The following TXNL1 variants were observed in gnomAD, a reference collection of about 807,000 sequenced individuals.
The protein encoded by TXNL1 is thioredoxin like 1.
Under a neutral mutation model 35.5 loss-of-function variants are expected in TXNL1, and 14 were observed. The observed-to-expected ratio is 0.39, with a 90% CI of 0.26 to 0.62. The LOEUF is 0.62. Among genes scored for constraint, TXNL1 ranks in the 20% least tolerant of loss-of-function variants. TXNL1 has a pLI of 0.47. For missense variants in TXNL1, 263 were observed against 349.7 expected, an observed-to-expected ratio of 0.75 and a Z score of 1.98; for synonymous variants, 110 against 115.5, an observed-to-expected ratio of 0.95 and a Z score of 0.31.
intron 7 of TXNL1, among the ~76,000 whole-genome samples, chr18:56,608,069 C>T (rs1457782789): frequency 1.3e-5 from 2 of 152,114 alleles, no homozygotes; most frequent in Non-Finnish European, 2.9e-5. Flanking sequence ...CAGGCATCCA[C>T]CGGGGGTCTA....
intron 6 of TXNL1, among the ~76,000 whole-genome samples, chr18:56,613,023 A>G (rs945907835): frequency 3.3e-5 from 5 of 151,852 alleles, no homozygotes; most frequent in African/African-American, 9.7e-5. Flanking sequence ...ATTTTTTTGT[A>G]GAGATGGGGT....
intron 1 of TXNL1, among the ~76,000 whole-genome samples, chr18:56,628,598 C>A (rs1011351943): frequency 6.6e-6 from 1 of 152,152 alleles, no homozygotes; most frequent in East Asian, 1.9e-4. Flanking sequence ...TGACTACATA[C>A]AGTTCAAATA....
chr18:56,607,051 G>A (rs555977315), intron 7 of TXNL1, among the ~76,000 whole-genome samples: 9 of 152,156 alleles, frequency 5.9e-5, no homozygotes, highest in Non-Finnish European at 8.8e-5. Flanking sequence ...GTGTAGTGGC[G>A]TGATCCTAGC....
chr18:56,604,775 C>A (rs557030530), intron 7 of TXNL1, among the ~76,000 whole-genome samples: 1 of 151,996 alleles, frequency 6.6e-6, no homozygotes, highest in Non-Finnish European at 1.5e-5. Flanking sequence ...AACATTCCAA[C>A]GAGGAAAAGA....
At chr18:56,627,979 A>G (rs2024313685) in intron 1 of TXNL1, among the ~76,000 whole-genome samples, 1 of 152,184 alleles carries the variant, frequency 6.6e-6, no homozygotes, top group East Asian at 1.9e-4. Context: ...CATATCAAAC[A>G]AAGGACTTAT....
At chr18:56,619,470 G>A (rs1382793651) in intron 3 of TXNL1, among the ~76,000 whole-genome samples, 2 of 146,800 alleles carry the variant, frequency 1.4e-5, no homozygotes, top group Admixed American at 1.4e-4. Context: ...CCTGGGAGGC[G>A]GAGGTTGCAG....
At chr18:56,632,828 T>C (rs1301495963) in intron 1 of TXNL1, among the ~76,000 whole-genome samples, 1 of 152,222 alleles carries the variant, frequency 6.6e-6, no homozygotes, top group Non-Finnish European at 1.5e-5. Context: ...AGCAACTCTG[T>C]TCTCCAGGGC....
chr18:56,616,412 A>C (rs2024087646), intron 4 of TXNL1, 98 bp from the exon 5 acceptor site: 2 of 1,129,626 alleles, frequency 1.8e-6, no homozygotes, highest in South Asian at 1.5e-5. Flanking sequence ...GAAAAAAAAA[A>C]CCAACCTAAT....
At chr18:56,622,490 A>G (rs559154911) in intron 3 of TXNL1, among the ~76,000 whole-genome samples, 4 of 152,314 alleles carry the variant, frequency 2.6e-5, no homozygotes, top group Admixed American at 2.6e-4. Context: ...ATACTGAATA[A>G]CCCTGTGAGA....
chr18:56,611,237 CG>C, intron 6 of TXNL1, 140 bp from the exon 7 acceptor site: 2 of 534,072 alleles, frequency 3.7e-6, no homozygotes, highest in Non-Finnish European at 6.4e-6. Context: ...CAGTGGCTCA[CG>C]TCTGTAATCC....
chr18:56,629,438 G>A (rs2024336242), intron 1 of TXNL1, among the ~76,000 whole-genome samples: 1 of 152,182 alleles, frequency 6.6e-6, no homozygotes, highest in Non-Finnish European at 1.5e-5. Flanking sequence ...TGAAGCAGGA[G>A]AATCACTTGC....
chr18:56,620,952 G>A (rs2024170316), intron 3 of TXNL1, among the ~76,000 whole-genome samples: 1 of 152,206 alleles, frequency 6.6e-6, no homozygotes, highest in African/African-American at 2.4e-5. Flanking sequence ...GGGCTACAGA[G>A]CAAAGTTTTA....
In TXNL1 at chr18:56,617,995, C is replaced by T. The variant is rs770698676; in HGVS notation, c.492+9G>A. 6 of 1,613,284 alleles carry T rather than the reference C, an allele frequency of 3.7e-6. No individual in the cohort carries two copies. The highest frequency in any genetic ancestry group is 2.2e-5 in the East Asian group (1 of 44,850). The stretch of plus-strand genomic sequence containing the variant: ...AATCTCCACAAGCTTATCTTCAGCC[C>T]TCAATTACCTGTTCATCACAGTCAG... On this transcript the variant is annotated intron_variant, in intron 4 of 7. Transcript: ENST00000217515.
At chr18:56,625,484 A>G (rs1213272909) in intron 2 of TXNL1, among the ~76,000 whole-genome samples, 2 of 152,144 alleles carry the variant, frequency 1.3e-5, no homozygotes, top group Non-Finnish European at 2.9e-5. Context: ...TGAATTTGTC[A>G]CAGTTAAAGT....
chr18:56,617,796 T>C (rs2024114228), intron 4 of TXNL1, among the ~76,000 whole-genome samples: 1 of 152,188 alleles, frequency 6.6e-6, no homozygotes, highest in Non-Finnish European at 1.5e-5. Flanking sequence ...CAATTTTTCT[T>C]AGTGCACCTG....
intron 7 of TXNL1, among the ~76,000 whole-genome samples, chr18:56,605,022 C>T (rs1337862195): frequency 7.1e-6 from 1 of 140,976 alleles, no homozygotes; most frequent in Non-Finnish European, 1.5e-5. Context: ...AAATATGAAA[C>T]AGTAGAAAGT....
At chr18:56,626,270 T>C (rs776518537) in intron 2 of TXNL1, 91 bp downstream of exon 2, 32 of 1,529,250 alleles carry the variant, frequency 2.1e-5, no homozygotes, top group Non-Finnish European at 7.0e-6. Flanking sequence ...ATAAGTACTA[T>C]GTGCATCAAG....
intron 4 of TXNL1, among the ~76,000 whole-genome samples, chr18:56,617,350 GC>G (rs941501100): frequency 9.8e-5 from 15 of 152,304 alleles, no homozygotes; most frequent in African/African-American, 3.6e-4. Flanking sequence ...GATCAAGTCA[GC>G]CTCCTCCTAA....
In TXNL1 at chr18:56,602,823, T is replaced by TA; in HGVS notation, c.*203dup. On this transcript the variant is annotated 3_prime_UTR_variant, in exon 8 of 8. Coordinates refer to ENST00000217515, the MANE Select transcript of TXNL1 (RefSeq NM_004786.3). ...AATACTGATTTAGAAAGACAAAAATTAAGCTTGGCAAAAGTGGTGACTTTT... is the reference window on the plus strand; with the variant it reads ...AATACTGATTTAGAAAGACAAAAATTAAAGCTTGGCAAAAGTGGTGACTTTT... The TA allele has an allele frequency of 1.6e-6, 1 of 626,322 alleles. No homozygotes were observed. The allele number at this position is 626,322 out of a possible 1,614,324, so 38.8% of individuals were successfully genotyped here.
Sources: allele counts gnomAD v4.1 joint callset (sites outside exome capture counted in the v4.1 genomes callset), GRCh38; gene constraint gnomAD v4.1.1; transcripts MANE v1.5; gene names NCBI Gene and HGNC (gene_info 2026-07-23, HGNC 2026-07-21).